Variants in KLK12 observed in about 807,000 individuals in gnomAD.
KLK12 encodes kallikrein related peptidase 12, also known as kallikrein-12.
Under a neutral mutation model 20.0 loss-of-function variants are expected in KLK12, and 23 were observed. That is an observed-to-expected ratio of 1.15 (90% CI 0.83 to 1.63). The LOEUF is 1.63. KLK12 is among the 40% of genes most tolerant of loss of function. The pLI is 0.00. For missense variants in KLK12, 351 were observed against 338.6 expected (o/e 1.04, Z -0.29); for synonymous variants, 147 against 141.9 (o/e 1.04, Z -0.25).
rs376079006 is a variant in KLK12, at chr19:51,029,361, C to A, written c.688G>T (p.Val230Phe). 2 of 1,613,254 alleles carry A rather than the reference C, an allele frequency of 1.2e-6. No homozygotes were observed. Among genetic ancestry groups the A allele is most frequent in the Non-Finnish European group, 1.7e-6 (2 of 1,179,708 alleles). ...GPCGQDGIPG[V>F]YTYICKYVDW... ...ACATACTTGCAAATATAGGTGTAGA[C>A]TCCAGGGATGCCATCTTGTCCACAG... Residue 230 changes from valine to phenylalanine, a missense_variant, in exon 6 of 6, where the codon GTC becomes TTC. Transcript: ENST00000684732.
intron 3 of KLK12, among the ~76,000 whole-genome samples, chr19:51,033,595 G>A (rs973414364): frequency 6.6e-6 from 1 of 152,114 alleles, no homozygotes; most frequent in African/African-American, 2.4e-5. Context: ...CAGCCTGGGC[G>A]ACAGAGCGAG....
intron 1 of KLK12, 35 bp from the exon 2 acceptor site, chr19:51,034,675 TC>T: frequency 6.3e-7 from 1 of 1,586,386 alleles, no homozygotes; most frequent in Non-Finnish European, 8.6e-7. Context: ...GGTCACCCTT[TC>T]CCTGTGCCCC....
At chr19:51,033,487 G>A (rs2091580703) in intron 3 of KLK12, among the ~76,000 whole-genome samples, 1 of 152,068 alleles carries the variant, frequency 6.6e-6, no homozygotes. Context: ...ATGGTGGCGG[G>A]TGCCTGTAAT....
chr19:51,029,893 G>C (rs1198285559), intron 5 of KLK12, among the ~76,000 whole-genome samples: 12 of 152,060 alleles, frequency 7.9e-5, no homozygotes, highest in Admixed American at 7.9e-4. Flanking sequence ...ACTCCATAAA[G>C]GATAGAGGTT....
chr19:51,032,069 G>A lies in KLK12; in HGVS notation c.264C>T (p.His88=). Residue 88 remains histidine (H), a synonymous_variant, in exon 4 of 6, where the codon CAC becomes CAT. Coordinates refer to ENST00000684732, the MANE Select transcript of KLK12 (RefSeq NM_001370125.1). ...CGGGATGGGTCACAGAGAAGCCGCTGTGCCGGATCTGCTCGGTCCAGTCGA... is the reference window on the plus strand; with the variant it reads ...CGGGATGGGTCACAGAGAAGCCGCTATGCCGGATCTGCTCGGTCCAGTCGA... ...SQLDWTEQIR[H]SGFSVTHPGY... is the part of the protein sequence containing the mutation. The A allele has an allele frequency of 6.2e-7, 1 of 1,605,080 alleles. No homozygotes were observed. Among genetic ancestry groups the A allele is most frequent in the Non-Finnish European group, 8.5e-7 (1 of 1,177,608 alleles).
In KLK12 at chr19:51,030,821, A is replaced by G; in HGVS notation, c.558T>C (p.Cys186=). 1 of 1,614,064 alleles carries G rather than the reference A, an allele frequency of 6.2e-7. No individual in the cohort carries two copies. Among genetic ancestry groups the G allele is most frequent in the South Asian group, 1.1e-5 (1 of 91,072 alleles). Residue 186 remains cysteine (C), a synonymous_variant, in exon 5 of 6, where the codon TGT becomes TGC. Coordinates refer to ENST00000684732, the MANE Select transcript of KLK12 (RefSeq NM_001370125.1). ...YPGRITSNMV[C]AGGVPGQDAC... The stretch of plus-strand genomic sequence containing the variant: ...CATCCTGCCCCGGGACGCCGCCTGC[A>G]CACACCATGTTGCTCGTGATTCTCC...
At position 51,034,809 on chromosome 19, in the gene KLK12, G is replaced by T; in HGVS notation, c.-23C>A. 6.8e-7 allele frequency: 1 copy of T among 1,464,620 alleles called. No homozygotes were observed. Among genetic ancestry groups the T allele is most frequent in the Non-Finnish European group, 9.0e-7 (1 of 1,108,588 alleles). 90.7% of individuals were successfully genotyped at this position (1,464,620 alleles called of 1,614,324 possible). A position where few individuals can be genotyped will look rare whatever the true frequency, so the allele number is the denominator to read the frequency against. On this transcript the variant is annotated 5_prime_UTR_variant, in exon 1 of 6. Coordinates refer to ENST00000684732, the MANE Select transcript of KLK12 (RefSeq NM_001370125.1). The stretch of plus-strand genomic sequence containing the variant: ...CAGTCGCCTACCTCCTTCTCACCTT[G>T]TCTCTTTGTCTGCCAGATCCTCTAC...
chr19:51,031,346 C>T (rs2091555125), intron 4 of KLK12, among the ~76,000 whole-genome samples: 1 of 152,020 alleles, frequency 6.6e-6, no homozygotes, highest in East Asian at 1.9e-4. Context: ...ATCTTCCAAA[C>T]CTCACTGCTT....
intron 4 of KLK12, among the ~76,000 whole-genome samples, chr19:51,031,328 A>G (rs2091554992): frequency 6.6e-6 from 1 of 151,768 alleles, no homozygotes; most frequent in African/African-American, 2.4e-5. Context: ...CTCCAACCTC[A>G]GCTCTGCATC....
intron 3 of KLK12, among the ~76,000 whole-genome samples, chr19:51,033,220 C>CG (rs1568578845): frequency 2.7e-5 from 3 of 109,908 alleles, no homozygotes; most frequent in Admixed American, 9.3e-5. Flanking sequence ...ACTCTGTCTC[C>CG]AAAAAAAAAA....
intron 3 of KLK12, among the ~76,000 whole-genome samples, chr19:51,033,668 G>A (rs1010782947): frequency 6.6e-6 from 1 of 152,050 alleles, no homozygotes; most frequent in African/African-American, 2.4e-5. Flanking sequence ...CCTGGGCCCC[G>A]GGCCCAGACT....
intron 4 of KLK12, 47 bp downstream of exon 4, chr19:51,031,829 G>A (rs771054781): frequency 7.5e-6 from 12 of 1,603,036 alleles, no homozygotes; most frequent in Admixed American, 1.7e-5. Flanking sequence ...CTGCATCCCA[G>A]ACTTGTACCC....
intron 3 of KLK12, among the ~76,000 whole-genome samples, chr19:51,032,735 C>T (rs1367452357): frequency 2.0e-5 from 3 of 152,068 alleles, no homozygotes; most frequent in African/African-American, 4.8e-5. Context: ...GCAGGGACAT[C>T]AGTGGACCTT....
chr19:51,032,121 C>A lies in KLK12; in HGVS notation c.212G>T (p.Arg71Leu). 1 of 1,602,146 alleles carries A rather than the reference C, an allele frequency of 6.2e-7. No individual in the cohort carries two copies. The highest frequency in any genetic ancestry group is 2.2e-5 in the East Asian group (1 of 44,464). Residue 71 changes from arginine (R) to leucine (L), a missense_variant, in exon 4 of 6, where the codon CGC (arginine) becomes CTC (leucine). By Grantham distance (102) the Arg-to-Leu change is moderately radical (BLOSUM62 -2). Coordinates refer to ENST00000684732, the MANE Select transcript of KLK12 (RefSeq NM_001370125.1). ...CTGGCTGAGGCTGTGTTCCCCCAGG[C>A]GCACCCAGTACCTGCTGCCGGTGGC... The part of the protein sequence containing the change: ...AHCSGSRYWV[R>L]LGEHSLSQLD...
chr19:51,031,595 C>CAT (rs1555789322), intron 4 of KLK12, among the ~76,000 whole-genome samples: 1,408 of 120,432 alleles, frequency 0.012, 70 homozygotes, highest in South Asian at 0.027. Flanking sequence ...CCTATACATA[C>CAT]ATATATATAT....
Position 51,034,964 on chromosome 19 carries a change from C to T in KLK12, c.-178G>A, listed in dbSNP as rs1850384827. The T allele has an allele frequency of 8.3e-7, 1 of 1,207,990 alleles. No individual in the cohort carries two copies. The highest frequency in any genetic ancestry group is 3.7e-5 in the Admixed American group (1 of 26,968). 74.8% of individuals were successfully genotyped at this position (1,207,990 alleles called of 1,614,324 possible). On this transcript the variant is annotated 5_prime_UTR_variant, in exon 1 of 6. An upstream start codon of the reference 5' UTR is lost. Coordinates refer to ENST00000684732, the MANE Select transcript of KLK12 (RefSeq NM_001370125.1). ...TGCACCTGGCTCCTCAGCCACCTGT[C>T]ATGTTGCTCAACCGGTCCCTTTCCT...
intron 3 of KLK12, among the ~76,000 whole-genome samples, chr19:51,032,636 C>T (rs1163411037): frequency 6.6e-6 from 1 of 152,000 alleles, no homozygotes; most frequent in African/African-American, 2.4e-5. Flanking sequence ...ATCCGCCCGC[C>T]TCGGCCTCCC....
intron 2 of KLK12, 64 bp from the exon 3 acceptor site, chr19:51,034,203 C>T (rs2091589279): frequency 1.3e-6 from 2 of 1,504,430 alleles, no homozygotes; most frequent in Non-Finnish European, 1.8e-6. Context: ...GAGAGACACA[C>T]AGAGTGAGAG....
At position 51,029,344 on chromosome 19, in the gene KLK12, G is replaced by C. The variant is rs770136691; in HGVS notation, c.705C>G (p.Cys235Trp). The change falls in exon 6 of 6, where the codon TGC (cysteine) becomes TGG (tryptophan). Residue 235 changes from cysteine to tryptophan, a missense_variant. Coordinates refer to ENST00000684732, the MANE Select transcript of KLK12 (RefSeq NM_001370125.1). ...DGIPGVYTYI[C>W]KYVDWIRMIM... ...TCATCCGGATCCAGTCCACATACTT[G>C]CAAATATAGGTGTAGACTCCAGGGA... The C allele has an allele frequency of 1.1e-5, 18 of 1,613,968 alleles. No individual in the cohort carries two copies. In the African/African-American group the frequency reaches 2.4e-4, roughly 22 times the overall value.
Sources: gnomAD v4.1 joint callset for allele counts (sites outside exome capture counted in the v4.1 genomes callset) on GRCh38, gnomAD v4.1.1 for gene constraint, MANE v1.5 for transcripts, NCBI Gene and HGNC (gene_info 2026-07-23, HGNC 2026-07-21) for gene names.